The following VPS8 variants were observed in gnomAD, a reference collection of about 807,000 sequenced individuals.
VPS8 encodes the protein vacuolar protein sorting-associated protein 8 homolog.
A neutral mutation model predicts 216.4 loss-of-function variants in VPS8; 129 were observed. The observed-to-expected ratio is 0.60, with a 90% CI of 0.52 to 0.69. The LOEUF is 0.69. Ranked by LOEUF, VPS8 falls within the 30% of genes least tolerant of loss-of-function variation. The pLI, the probability that VPS8 is intolerant of heterozygous loss-of-function variation, is 0.00. For missense variants in VPS8, 1,531 were observed against 1,683.5 expected, an observed-to-expected ratio of 0.91 and a Z score of 1.59; for synonymous variants, 571 against 565.4, an observed-to-expected ratio of 1.01 and a Z score of -0.14.
intron 19 of VPS8, 69 bp downstream of exon 19, chr3:184,869,105 C>A: frequency 7.1e-7 from 1 of 1,409,432 alleles, no homozygotes; most frequent in South Asian, 1.2e-5. Context: ...TAGTACTAAC[C>A]ACTCATAGGA....
At chr3:185,005,082 TC>T (rs1260640243) in intron 45 of VPS8, among the ~76,000 whole-genome samples, 8 of 152,222 alleles carry the variant, frequency 5.3e-5, no homozygotes, top group Non-Finnish European at 1.0e-4. Flanking sequence ...GTTTCATTCT[TC>T]TACATGTGGC....
chr3:184,901,299 A>C (rs781275277), intron 25 of VPS8: 1 of 235,942 alleles, frequency 4.2e-6, no homozygotes, highest in African/African-American at 2.3e-5. Flanking sequence ...GATGAAGCAT[A>C]ATATTTTTGA....
intron 46 of VPS8, among the ~76,000 whole-genome samples, chr3:185,029,616 G>C (rs1757838116): frequency 6.6e-6 from 1 of 151,032 alleles, no homozygotes; most frequent in Non-Finnish European, 1.5e-5. Flanking sequence ...CCGGCTTGGA[G>C]TGCAGTGGTG....
intron 22 of VPS8, among the ~76,000 whole-genome samples, chr3:184,889,492 G>C (rs773859158): frequency 2.0e-5 from 3 of 152,042 alleles, no homozygotes; most frequent in Non-Finnish European, 4.4e-5. Context: ...CTGGACCATA[G>C]TACAAAGAGC....
At chr3:184,887,364 AAAAT>A (rs775091619) in intron 22 of VPS8, among the ~76,000 whole-genome samples, 11 of 152,182 alleles carry the variant, frequency 7.2e-5, no homozygotes, top group Non-Finnish European at 1.6e-4. Context: ...AATAAAATAA[AAAAT>A]AAACCAACCA....
intron 22 of VPS8, among the ~76,000 whole-genome samples, chr3:184,891,644 G>T (rs992164645): frequency 6.6e-6 from 1 of 152,020 alleles, no homozygotes; most frequent in Non-Finnish European, 1.5e-5. Flanking sequence ...AAATCTTTAC[G>T]AACTGTGGTA....
chr3:184,888,456 G>A (rs1187638591), intron 22 of VPS8, among the ~76,000 whole-genome samples: 4 of 152,258 alleles, frequency 2.6e-5, no homozygotes, highest in Non-Finnish European at 4.4e-5. Context: ...AAAGCAAAGC[G>A]CCATGATATG....
chr3:184,955,080 C>A (rs1231249904), intron 36 of VPS8, among the ~76,000 whole-genome samples: 1 of 152,140 alleles, frequency 6.6e-6, no homozygotes, highest in African/African-American at 2.4e-5. Flanking sequence ...TGTGAAGGCA[C>A]CTGTTACTTA....
chr3:185,012,163 T>C (rs556175763), intron 45 of VPS8, among the ~76,000 whole-genome samples: 3 of 150,794 alleles, frequency 2.0e-5, no homozygotes, highest in African/African-American at 7.3e-5. Flanking sequence ...TGGTGACCTG[T>C]GAAACAATAT....
At chr3:184,996,624 C>A in intron 44 of VPS8, 123 bp downstream of exon 44, 2 of 1,092,312 alleles carry the variant, frequency 1.8e-6, no homozygotes, top group Non-Finnish European at 2.6e-6. Context: ...AAGTTCCTGC[C>A]CTCACAGACC....
chr3:184,982,356 C>T, intron 40 of VPS8: 1 of 526,176 alleles, frequency 1.9e-6, no homozygotes, highest in South Asian at 2.6e-5. Context: ...ATAAAGATGC[C>T]TGTTCTAGCT....
At chr3:184,988,221 A>G (rs1406461103) in intron 42 of VPS8, among the ~76,000 whole-genome samples, 1 of 152,206 alleles carries the variant, frequency 6.6e-6, no homozygotes, top group Non-Finnish European at 1.5e-5. Context: ...TTGATGTTGT[A>G]TGTAAAAACT....
At chr3:184,848,663 A>C (rs1423895533) in intron 8 of VPS8, among the ~76,000 whole-genome samples, 2 of 148,914 alleles carry the variant, frequency 1.3e-5, no homozygotes, top group African/African-American at 5.0e-5. Context: ...CTGCCTCCCA[A>C]GTTTAAGTGA....
intron 36 of VPS8, among the ~76,000 whole-genome samples, chr3:184,945,167 C>T (rs1743456522): frequency 6.6e-6 from 1 of 151,718 alleles, no homozygotes; most frequent in Admixed American, 6.6e-5. Context: ...CTCTCTCTCT[C>T]TCTCTCTATA....
chr3:184,897,509 G>A (rs897406337), intron 23 of VPS8, among the ~76,000 whole-genome samples: 2 of 152,120 alleles, frequency 1.3e-5, no homozygotes, highest in African/African-American at 4.8e-5. Flanking sequence ...ACATTCAGGC[G>A]AAGATGTCGA....
intron 22 of VPS8, chr3:184,893,467 A>C (rs1732758227): frequency 1.5e-6 from 1 of 687,800 alleles, no homozygotes; most frequent in East Asian, 8.8e-5. Context: ...TGAACAAAGA[A>C]GTGAATGATA....
chr3:184,873,541 G>T lies in VPS8; in HGVS notation c.1734+2736G>T, dbSNP rs974273421. Among the ~76,000 whole-genome samples, 4 of 152,088 alleles carry T rather than the reference G, an allele frequency of 2.6e-5. 1 individual carries two copies. The highest frequency in any genetic ancestry group is 2.0e-4 in the Admixed American group (3 of 15,260). ...GTAAATGATGCCGAGGCACAGAGAG[G>T]TTAAATTATTTGTTCCAGGTCACAA... is the stretch of plus-strand genomic sequence containing the variant. On this transcript the variant is annotated intron_variant, in intron 21 of 47. Transcript: ENST00000625842.
At chr3:184,920,563 G>A (rs921845537) in intron 29 of VPS8, among the ~76,000 whole-genome samples, 3 of 152,172 alleles carry the variant, frequency 2.0e-5, no homozygotes, top group Non-Finnish European at 2.9e-5. Flanking sequence ...TCACTTTGTT[G>A]CTAAGGCAGT....
At chr3:184,922,519 A>G in intron 29 of VPS8, 1 of 426,244 alleles carries the variant, frequency 2.3e-6, no homozygotes, top group Non-Finnish European at 4.6e-6. Context: ...GTTTAAAACT[A>G]TACTAAGTTG....
Sources: gnomAD v4.1 joint callset for allele counts (sites outside exome capture counted in the v4.1 genomes callset) on GRCh38, gnomAD v4.1.1 for gene constraint, MANE v1.5 for transcripts, NCBI Gene and HGNC (gene_info 2026-07-23, HGNC 2026-07-21) for gene names.